SYT15B: variants seen among roughly 807,000 people sequenced by gnomAD.
SYT15B encodes the protein synaptotagmin 15B, also known as synaptotagmin-15.
the SYT15B span, among the ~76,000 whole-genome samples, chr10:47,750,336 ATTT>A: frequency 2.2e-5 from 3 of 137,508 alleles, no homozygotes; most frequent in African/African-American, 8.1e-5. Flanking sequence ...ATTAATCTAA[ATTT>A]TATTTATTTA....
the SYT15B span, among the ~76,000 whole-genome samples, chr10:47,761,930 TAAAG>T: frequency 7.5e-6 from 1 of 134,056 alleles, no homozygotes; most frequent in South Asian, 2.8e-4. Flanking sequence ...GATTCTGGCT[TAAAG>T]AAGCCATTTC....
the SYT15B span, among the ~76,000 whole-genome samples, chr10:47,748,132 T>C: frequency 1.3e-5 from 2 of 151,898 alleles, no homozygotes; most frequent in African/African-American, 2.4e-5. Flanking sequence ...CTGAGAACTT[T>C]CCAAAACTGA....
At chr10:47,762,328 C>T in the SYT15B span, among the ~76,000 whole-genome samples, 1 of 148,006 alleles carries the variant, frequency 6.8e-6, no homozygotes, top group African/African-American at 2.5e-5. Flanking sequence ...GGGTTCCAAC[C>T]GCTGGCCACC....
the SYT15B span, among the ~76,000 whole-genome samples, chr10:47,754,968 T>C: frequency 8.0e-6 from 1 of 124,320 alleles, no homozygotes; most frequent in Non-Finnish European, 1.7e-5. Context: ...CTTTTCTTTT[T>C]TTTTTTTTTG....
At chr10:47,750,944 C>G in the SYT15B span, 1 of 149,044 alleles carries the variant, frequency 6.7e-6, no homozygotes, top group Non-Finnish European at 1.5e-5. Context: ...TCATCACATC[C>G]AAAGAATAAA....
At chr10:47,744,923 G>A in the SYT15B span, among the ~76,000 whole-genome samples, 3 of 151,918 alleles carry the variant, frequency 2.0e-5, no homozygotes, top group Non-Finnish European at 4.4e-5. Context: ...GCTCTGTTCA[G>A]CATTTAAAAT....
At chr10:47,749,304 A>T in the SYT15B span, among the ~76,000 whole-genome samples, 26 of 146,370 alleles carry the variant, frequency 1.8e-4, no homozygotes, top group Non-Finnish European at 3.2e-4. Flanking sequence ...CATACACAAA[A>T]AATACTAAAG....
the SYT15B span, among the ~76,000 whole-genome samples, chr10:47,746,634 C>T: frequency 2.5e-5 from 3 of 122,296 alleles, no homozygotes; most frequent in Non-Finnish European, 3.4e-5. Context: ...GCTGAGATGG[C>T]GCCACTGCAC....
the SYT15B span, among the ~76,000 whole-genome samples, chr10:47,744,720 T>A: frequency 6.6e-6 from 1 of 151,880 alleles, no homozygotes; most frequent in East Asian, 1.9e-4. Context: ...GCTTATGGAA[T>A]GTAAACAGCA....
chr10:47,755,412 C>T, the SYT15B span, among the ~76,000 whole-genome samples: 38 of 152,314 alleles, frequency 2.5e-4, no homozygotes, highest in African/African-American at 8.4e-4. Flanking sequence ...CCAGCCACCA[C>T]ACCCAGCTAA....
the SYT15B span, among the ~76,000 whole-genome samples, chr10:47,750,263 TATG>T: frequency 6.7e-6 from 1 of 149,142 alleles, no homozygotes; most frequent in East Asian, 2.0e-4. Context: ...GCAAGAACAT[TATG>T]ATAAGAATAT....
the SYT15B span, among the ~76,000 whole-genome samples, chr10:47,750,582 G>A: frequency 3.3e-5 from 3 of 92,076 alleles, no homozygotes; most frequent in Non-Finnish European, 4.4e-5. Context: ...AAGTAGCTGG[G>A]ACAACAGGCA....
chr10:47,763,002 C>T, the SYT15B span: 12 of 1,173,734 alleles, frequency 1.0e-5, no homozygotes, highest in South Asian at 2.1e-5. Context: ...GTACCACCCC[C>T]ATCCCGGAGA....
the SYT15B span, among the ~76,000 whole-genome samples, chr10:47,762,475 G>C: frequency 7.4e-6 from 1 of 135,330 alleles, no homozygotes; most frequent in African/African-American, 2.8e-5. Flanking sequence ...ACCGCGAAGA[G>C]CGGGCCTCAG....
chr10:47,751,318 T>C, the SYT15B span: 1 of 109,106 alleles, frequency 9.2e-6, no homozygotes, highest in Non-Finnish European at 1.8e-5. Flanking sequence ...TAGACAAGAT[T>C]ATGTCATGTG....
the SYT15B span, among the ~76,000 whole-genome samples, chr10:47,756,512 C>T: frequency 7.1e-6 from 1 of 139,954 alleles, no homozygotes; most frequent in Non-Finnish European, 1.5e-5. Context: ...CAAGCCTGTC[C>T]CTCCCTGTTG....
the SYT15B span, among the ~76,000 whole-genome samples, chr10:47,748,717 C>T: frequency 2.0e-5 from 3 of 151,694 alleles, no homozygotes; most frequent in Non-Finnish European, 4.4e-5. Context: ...TTTTGAACTC[C>T]TGGGCTCAAG....
chr10:47,757,840 GA>G, the SYT15B span: 16 of 739,706 alleles, frequency 2.2e-5, no homozygotes, highest in South Asian at 3.3e-4. Context: ...GCTGAGGGCT[GA>G]TGCCGCCAGC....
the SYT15B span, among the ~76,000 whole-genome samples, chr10:47,756,776 G>A: frequency 0.16 from 22,092 of 141,650 alleles, 5 homozygotes; most frequent in East Asian, 0.35. Context: ...TGCAGCTCCT[G>A]TATTCTGGGA....
Sources: gnomAD v4.1 joint callset for allele counts (sites outside exome capture counted in the v4.1 genomes callset) on GRCh38, gnomAD v4.1.1 for gene constraint, MANE v1.5 for transcripts, NCBI Gene and HGNC (gene_info 2026-07-23, HGNC 2026-07-21) for gene names.